The following FRMD4A variants were observed in gnomAD, a reference collection of about 807,000 sequenced individuals.
FRMD4A encodes FERM domain containing 4A, also known as FERM domain-containing protein 4A.
FRMD4A carries 29 observed loss-of-function variants against 129.1 expected under a neutral mutation model. The observed-to-expected ratio is 0.22, with a 90% CI of 0.17 to 0.31. The LOEUF is 0.31. FRMD4A is among the 10% of genes least tolerant of loss of function. The probability of loss-of-function intolerance (pLI) is 1.00; values close to 1 mark genes in which losing one functional copy is unlikely to be tolerated. For synonymous variants in FRMD4A, 634 were observed against 571.6 expected, an observed-to-expected ratio of 1.11 and a Z score of -1.56; for missense variants, 1,272 against 1,375.8, an observed-to-expected ratio of 0.92 and a Z score of 1.19.
At chr10:13,915,190 G>A (rs980012810) in intron 2 of FRMD4A, among the ~76,000 whole-genome samples, 2 of 152,178 alleles carry the variant, frequency 1.3e-5, no homozygotes, top group Non-Finnish European at 2.9e-5. Context: ...GAGCATTTAG[G>A]ATGAGGAAGT....
intron 3 of FRMD4A, among the ~76,000 whole-genome samples, chr10:13,833,917 A>C (rs1465052555): frequency 6.6e-6 from 1 of 152,074 alleles, no homozygotes; most frequent in Non-Finnish European, 1.5e-5. Flanking sequence ...AAGTGGGTGC[A>C]GAAGGAGACA....
At chr10:14,148,115 C>A (rs1179872465) in intron 2 of FRMD4A, among the ~76,000 whole-genome samples, 1 of 152,112 alleles carries the variant, frequency 6.6e-6, no homozygotes, top group African/African-American at 2.4e-5. Context: ...GCAATTTGTA[C>A]AATGTCACGA....
intron 2 of FRMD4A, among the ~76,000 whole-genome samples, chr10:14,084,804 C>T (rs146374757): frequency 3.3e-4 from 50 of 152,326 alleles, no homozygotes; most frequent in African/African-American, 1.0e-3. Flanking sequence ...GCCTGCTCAA[C>T]TGCTTACCCT....
intron 2 of FRMD4A, among the ~76,000 whole-genome samples, chr10:14,290,090 T>C (rs572680986): frequency 6.6e-6 from 1 of 152,030 alleles, no homozygotes; most frequent in Middle Eastern, 3.2e-3. Flanking sequence ...CAAATCAAGA[T>C]ACAGGTAAAT....
At chr10:14,089,626 AAAACAAAAAAAAACAAAC>A (rs1289768100) in intron 2 of FRMD4A, among the ~76,000 whole-genome samples, 466 of 30,354 alleles carry the variant, frequency 0.015, 4 homozygotes, top group African/African-American at 0.047. Flanking sequence ...AGCAAAAAAA[AAAACAAAAAAAAACAAAC>A]AAAAAAAAAA....
intron 2 of FRMD4A, among the ~76,000 whole-genome samples, chr10:14,140,212 C>A (rs1230059090): frequency 6.6e-6 from 1 of 152,074 alleles, no homozygotes; most frequent in Non-Finnish European, 1.5e-5. Context: ...CAGGCGCACA[C>A]CACCACACCT....
At chr10:13,867,601 T>C (rs2094383569) in intron 2 of FRMD4A, among the ~76,000 whole-genome samples, 1 of 71,242 alleles carries the variant, frequency 1.4e-5, no homozygotes, top group Non-Finnish European at 2.6e-5. Flanking sequence ...TAATATATAT[T>C]ATATATTATT....
At chr10:13,975,413 A>T (rs1588647021) in intron 2 of FRMD4A, among the ~76,000 whole-genome samples, 2 of 149,896 alleles carry the variant, frequency 1.3e-5, no homozygotes, top group Admixed American at 6.6e-5. Context: ...GTGTCTGTGC[A>T]TATGTGTCTG....
chr10:13,668,021 T>G (rs545839917), intron 17 of FRMD4A: 5 of 152,346 alleles, frequency 3.3e-5, no homozygotes, highest in Admixed American at 1.3e-4. Context: ...TAAAATATCC[T>G]TGCCTCTGGG....
At chr10:14,142,541 A>C (rs529070504) in intron 2 of FRMD4A, among the ~76,000 whole-genome samples, 2 of 152,356 alleles carry the variant, frequency 1.3e-5, no homozygotes, top group South Asian at 2.1e-4. Flanking sequence ...CATGGATTTG[A>C]AAAGTTAGTG....
At chr10:14,091,314 C>G (rs1836648361) in intron 2 of FRMD4A, among the ~76,000 whole-genome samples, 1 of 152,156 alleles carries the variant, frequency 6.6e-6, no homozygotes, top group Admixed American at 6.5e-5. Context: ...CAACACACCA[C>G]TAGAACTCAA....
intron 2 of FRMD4A, among the ~76,000 whole-genome samples, chr10:14,068,656 A>C (rs769071164): frequency 6.6e-6 from 1 of 152,228 alleles, no homozygotes; most frequent in South Asian, 2.1e-4. Context: ...TACATTTGAC[A>C]TCACTTACAT....
rs142575712 is a variant in FRMD4A at position 14,073,743 on chromosome 10, T to C, written c.46-214831A>G. On this transcript the variant is annotated intron_variant, in intron 2 of 24. Transcript: ENST00000357447. ...GATCCTGTTGTGACCTACCCACTGG[T>C]CAAGATGAAATCCCTAATAACTTAG... 3.4e-3 allele frequency among the ~76,000 whole-genome samples: 517 copies of C among 152,204 alleles called. 4 individuals are homozygous for C. Among genetic ancestry groups the C allele is most frequent in the Middle Eastern group, 6.8e-3 (2 of 294 alleles).
intron 2 of FRMD4A, among the ~76,000 whole-genome samples, chr10:13,872,443 C>A (rs7899772): frequency 0.48 from 72,326 of 152,154 alleles, 17,290 homozygotes; most frequent in African/African-American, 0.5. Context: ...GCACTCATTA[C>A]GTTGAGAGCA....
intron 2 of FRMD4A, among the ~76,000 whole-genome samples, chr10:14,220,802 GTGTGTGTGTT>G (rs1389562600): frequency 5.9e-5 from 3 of 50,862 alleles, no homozygotes; most frequent in African/African-American, 9.0e-5. Flanking sequence ...GTGTGTGTGT[GTGTGTGTGTT>G]TGTGTGTGTG....
chr10:14,106,912 C>G (rs938282596), intron 2 of FRMD4A, among the ~76,000 whole-genome samples: 20 of 152,096 alleles, frequency 1.3e-4, no homozygotes. Context: ...ATGTTTATCA[C>G]AGCACTATTT....
chr10:13,859,633 A>G (rs1589059748), intron 2 of FRMD4A, among the ~76,000 whole-genome samples: 1 of 152,268 alleles, frequency 6.6e-6, no homozygotes, highest in African/African-American at 2.4e-5. Flanking sequence ...TCAGGATCCA[A>G]TCTCTGTCTC....
chr10:13,707,852 G>A (rs1367254541), intron 12 of FRMD4A: 2 of 984,928 alleles, frequency 2.0e-6, no homozygotes, highest in Non-Finnish European at 2.4e-6. Flanking sequence ...GAATGAAGGG[G>A]CCCTGGCGGT....
intron 3 of FRMD4A, among the ~76,000 whole-genome samples, chr10:13,840,415 A>G (rs531785282): frequency 3.9e-5 from 6 of 152,332 alleles, no homozygotes; most frequent in South Asian, 4.1e-4. Context: ...ACTGTGAGAA[A>G]TAAATGTTGG....
Sources: allele counts gnomAD v4.1 joint callset (sites outside exome capture counted in the v4.1 genomes callset), GRCh38; gene constraint gnomAD v4.1.1; transcripts MANE v1.5; gene names NCBI Gene and HGNC (gene_info 2026-07-23, HGNC 2026-07-21).